Variants in CRMP1 observed in about 807,000 individuals in gnomAD.
The protein encoded by CRMP1 is collapsin response mediator protein 1, also known as dihydropyrimidinase-related protein 1.
A neutral mutation model predicts 68.3 loss-of-function variants in CRMP1; 19 were observed. The observed-to-expected ratio is 0.28, with a 90% CI of 0.19 to 0.41. CRMP1 has a LOEUF of 0.41. Ranked by LOEUF, CRMP1 falls within the 10% of genes least tolerant of loss-of-function variation. The pLI is 1.00. For synonymous variants in CRMP1, 439 were observed against 399.6 expected, an observed-to-expected ratio of 1.10 and a Z score of -1.18; for missense variants, 791 against 967.4, an observed-to-expected ratio of 0.82 and a Z score of 2.42.
At chr4:5,848,513 T>C (rs1266542172) in intron 6 of CRMP1, among the ~76,000 whole-genome samples, 1 of 152,206 alleles carries the variant, frequency 6.6e-6, no homozygotes. Context: ...TCCCAACAAA[T>C]TCTCCACTCC....
intron 4 of CRMP1, among the ~76,000 whole-genome samples, chr4:5,852,293 T>A (rs1712718945): frequency 6.6e-6 from 1 of 152,188 alleles, no homozygotes; most frequent in African/African-American, 2.4e-5. Context: ...GGTTTCACTT[T>A]CCCCATTTCT....
intron 11 of CRMP1, among the ~76,000 whole-genome samples, chr4:5,830,816 T>C (rs1720321421): frequency 6.6e-6 from 1 of 152,192 alleles, no homozygotes; most frequent in South Asian, 2.1e-4. Flanking sequence ...GAACTCTGCT[T>C]TCCTAGCTAA....
chr4:5,858,258 G>T lies in CRMP1; in HGVS notation c.656-1951C>A, dbSNP rs1713278344. 6.6e-6 allele frequency among the ~76,000 whole-genome samples: 1 copy of T among 151,928 alleles called. No individual in the cohort carries two copies. The highest frequency in any genetic ancestry group is 2.4e-5 in the African/African-American group (1 of 41,430). ...TACTGTTCACTATGCTTACTAATTG[G>T]ATCCCTTTTCTTTGTGCCAGCTCAT... On this transcript the variant is annotated intron_variant, in intron 3 of 13. Coordinates refer to ENST00000324989, the MANE Select transcript of CRMP1 (RefSeq NM_001014809.3). This position sits in a 1 kb window ranked among gnomAD's most constrained non-coding sequence, Gnocchi z 5.5.
At chr4:5,884,394 C>G (rs1449894321) in intron 1 of CRMP1, among the ~76,000 whole-genome samples, 1 of 150,908 alleles carries the variant, frequency 6.6e-6, no homozygotes, top group African/African-American at 2.4e-5. Context: ...CACACACACC[C>G]CCACACCCAC....
chr4:5,890,040 C>T lies in CRMP1; in HGVS notation c.381+2549G>A, dbSNP rs1230948587. The T allele has an allele frequency of 4.8e-6, 3 of 626,416 alleles. No individual in the cohort carries two copies. The highest frequency in any genetic ancestry group is 4.2e-6 in the Non-Finnish European group (2 of 471,608). The allele number at this position is 626,416 out of a possible 1,614,324, so 38.8% of individuals were successfully genotyped here. A position where few individuals can be genotyped will look rare whatever the true frequency, so the allele number is the denominator to read the frequency against. On this transcript the variant is annotated intron_variant, in intron 1 of 13. Transcript: ENST00000324989. This position sits in a 1 kb window ranked among gnomAD's most constrained non-coding sequence, Gnocchi z 5.5. ...AGGTTCCCCTACACTCTGTTTACAA[C>T]TCATTTCCCTCCACGCATTCATGCA...
chr4:5,855,662 G>A lies in CRMP1; in HGVS notation c.820+481C>T, dbSNP rs1196777521. ...GGAACAATGGAAAAAGTGCCCCAAA[G>A]GAGGCCTAAGTAACCGGCATTGGCT... On this transcript the variant is annotated intron_variant, in intron 4 of 13. Transcript: ENST00000324989. This position sits in a 1 kb window ranked among gnomAD's most constrained non-coding sequence, Gnocchi z 4.9. 6.6e-6 allele frequency among the ~76,000 whole-genome samples: 1 copy of A among 152,186 alleles called. No individual in the cohort carries two copies. Among genetic ancestry groups the A allele is most frequent in the Middle Eastern group, 3.2e-3 (1 of 316 alleles).
intron 6 of CRMP1, among the ~76,000 whole-genome samples, chr4:5,846,515 G>C (rs765764950): frequency 7.9e-5 from 12 of 152,088 alleles, no homozygotes; most frequent in Admixed American, 3.3e-4. Flanking sequence ...CAGATTTTTA[G>C]GAGAGTTGCC....
At chr4:5,832,640 A>G (rs1720457734) in intron 11 of CRMP1, among the ~76,000 whole-genome samples, 1 of 152,232 alleles carries the variant, frequency 6.6e-6, no homozygotes, top group South Asian at 2.1e-4. Context: ...TGAAACAGAC[A>G]AAATCCTTTG....
rs1259467356 is a variant in CRMP1, at chr4:5,865,851, G to GCA, written c.470+815_470+816dup. 7.2e-5 allele frequency among the ~76,000 whole-genome samples: 11 copies of GCA among 151,730 alleles called. No individual in the cohort carries two copies. Among genetic ancestry groups the GCA allele is most frequent in the South Asian group, 2.1e-4 (1 of 4,782 alleles). On this transcript the variant is annotated intron_variant, in intron 2 of 13. Transcript: ENST00000324989. The surrounding 1 kb of genome is among the most constrained non-coding windows in gnomAD (Gnocchi z 4.1). ...TTAGAAGAAGAGACCCCAGGAGTGTGCACACACACACACAGAAAGGGCCCT... is the reference window on the plus strand; with the variant it reads ...TTAGAAGAAGAGACCCCAGGAGTGTGCACACACACACACACAGAAAGGGCCCT...
intron 6 of CRMP1, among the ~76,000 whole-genome samples, chr4:5,848,101 C>T (rs1712355505): frequency 6.6e-6 from 1 of 151,972 alleles, no homozygotes; most frequent in Non-Finnish European, 1.5e-5. Context: ...CTCTTCATTT[C>T]TTATGAGACT....
chr4:5,828,773 G>GT (rs905541581), intron 11 of CRMP1, 105 bp from the exon 12 acceptor site: 3,632 of 1,280,678 alleles, frequency 2.8e-3, no homozygotes, highest in Non-Finnish European at 3.2e-3. Context: ...GTGTTCCAAT[G>GT]TTTTTTTTTC....
chr4:5,851,885 A>AGAGGAG (rs1013535333), intron 4 of CRMP1, among the ~76,000 whole-genome samples: 1 of 96,008 alleles, frequency 1.0e-5, no homozygotes, highest in Non-Finnish European at 2.3e-5. Context: ...AGGAAGAGGA[A>AGAGGAG]GAGGAGGAGG....
Position 5,858,842 on chromosome 4 carries a change from C to T in CRMP1, c.655+2184G>A, listed in dbSNP as rs950840472. On this transcript the variant is annotated intron_variant, in intron 3 of 13. Transcript: ENST00000324989. The surrounding 1 kb of genome is among the most constrained non-coding windows in gnomAD (Gnocchi z 5.5). ...TCCCTCAATCTCGACACCCCTGCAC[C>T]GTGGGCCTCCCTGCAGTCTCTGGAA... is the stretch of plus-strand genomic sequence containing the variant. Among the ~76,000 whole-genome samples, 1 of 152,172 alleles carries T rather than the reference C, an allele frequency of 6.6e-6. No individual in the cohort carries two copies. Among genetic ancestry groups the T allele is most frequent in the Non-Finnish European group, 1.5e-5 (1 of 68,040 alleles).
Position 5,883,169 on chromosome 4 carries a change from G to A in CRMP1, c.381+9420C>T, listed in dbSNP as rs898201789. 8.5e-5 allele frequency among the ~76,000 whole-genome samples: 13 copies of A among 152,222 alleles called. No individual in the cohort carries two copies. Among genetic ancestry groups the A allele is most frequent in the Admixed American group, 2.6e-4 (4 of 15,296 alleles). ...AAGCCATCTCTTGTTGCTTCTGCCAGGGCTGAGTCATCTCTTCTCTGAATT... is the reference window on the plus strand; with the variant it reads ...AAGCCATCTCTTGTTGCTTCTGCCAAGGCTGAGTCATCTCTTCTCTGAATT... On this transcript the variant is annotated intron_variant, in intron 1 of 13. Coordinates refer to ENST00000324989, the MANE Select transcript of CRMP1 (RefSeq NM_001014809.3). The surrounding 1 kb of genome is among the most constrained non-coding windows in gnomAD (Gnocchi z 4.5).
intron 13 of CRMP1, among the ~76,000 whole-genome samples, chr4:5,823,249 A>G (rs991721254): frequency 1.6e-4 from 24 of 152,198 alleles, no homozygotes; most frequent in Admixed American, 3.9e-4. Flanking sequence ...TGATTTGTCT[A>G]TGTAAGCCAC....
In CRMP1 at chr4:5,892,632, C is replaced by G; in HGVS notation, c.338G>C (p.Arg113Pro). 8.4e-7 allele frequency: 1 copy of G among 1,192,556 alleles called. No individual in the cohort carries two copies. Among genetic ancestry groups the G allele is most frequent in the Non-Finnish European group, 1.0e-6 (1 of 962,730 alleles). The allele number at this position is 1,192,556 out of a possible 1,614,324, so 73.9% of individuals were successfully genotyped here. Reference sequence around the variant, plus strand: ...GAGGGGCAGGTCGCGGGGCGCGGGGCGGCGGATGCGCAGCGTCGGCGGCCG... The same window carrying G: ...GAGGGGCAGGTCGCGGGGCGCGGGGGGGCGGATGCGCAGCGTCGGCGGCCG... The part of the protein sequence containing the change: ...DERPPTLRIR[R>P]PAPRDLPLGR... Residue 113 changes from arginine (R) to proline (P), a missense_variant, in exon 1 of 14, where the codon CGC (arginine) becomes CCC (proline). Around this residue, in one of 3 missense-constraint regions of CRMP1, gnomAD observed 193 missense variants for 186.3 expected, o/e 1.04. Coordinates refer to ENST00000324989, the MANE Select transcript of CRMP1 (RefSeq NM_001014809.3). This position sits in a 1 kb window ranked among gnomAD's most constrained non-coding sequence, Gnocchi z 8.6.
intron 13 of CRMP1, chr4:5,824,926 A>C (rs1577722039): frequency 3.0e-6 from 3 of 985,402 alleles, no homozygotes; most frequent in Non-Finnish European, 3.6e-6. Flanking sequence ...TCAACATCTA[A>C]TTTTGTTCCC....
At position 5,835,932 on chromosome 4, in the gene CRMP1, C is replaced by A; in HGVS notation, c.1606G>T (p.Ala536Ser). Residue 536 changes from alanine to serine, a missense_variant, in exon 11 of 14, where the codon GCC (alanine) becomes TCC (serine). Ala to Ser is a moderately conservative substitution (Grantham distance 99). Transcript: ENST00000324989. ...GGACTTACCGACTTGTGACTTTTGG[C>A]TGTTATGGTCTTCAACTTGTCGGGG... is the stretch of plus-strand genomic sequence containing the variant. ...WDPDKLKTIT[A>S]KSHKSAVEYN... 1 of 1,557,512 alleles carries A rather than the reference C, an allele frequency of 6.4e-7. No individual in the cohort carries two copies. Among genetic ancestry groups the A allele is most frequent in the Non-Finnish European group, 8.7e-7 (1 of 1,154,642 alleles).
Position 5,855,435 on chromosome 4 carries a change from G to C in CRMP1, c.820+708C>G, listed in dbSNP as rs2152465288. Among the ~76,000 whole-genome samples, 1 of 152,296 alleles carries C rather than the reference G, an allele frequency of 6.6e-6. No homozygotes were observed. Among genetic ancestry groups the C allele is most frequent in the African/African-American group, 2.4e-5 (1 of 41,566 alleles). ...ATGCCCTGTCTCTTTCCATTCTGCT[G>C]TTCTTTGCTTCCTTTGTGTCTTCTG... is the stretch of plus-strand genomic sequence containing the variant. On this transcript the variant is annotated intron_variant, in intron 4 of 13. Transcript: ENST00000324989. This position sits in a 1 kb window ranked among gnomAD's most constrained non-coding sequence, Gnocchi z 4.9.
Sources: allele counts gnomAD v4.1 joint callset (sites outside exome capture counted in the v4.1 genomes callset), GRCh38; gene constraint gnomAD v4.1.1; regional missense constraint gnomAD v4.1.1; non-coding constraint Gnocchi (gnomAD v3.1); transcripts MANE v1.5; gene names NCBI Gene and HGNC (gene_info 2026-07-23, HGNC 2026-07-21).